The following RIC8A variants were observed in gnomAD, a reference collection of about 807,000 sequenced individuals.
RIC8A encodes chaperone Ric-8A.
In RIC8A, 37 loss-of-function variants were observed where a neutral mutation model predicts 48.4. That is an observed-to-expected ratio of 0.77 (90% confidence interval 0.59 to 1.01). The LOEUF (loss-of-function observed/expected upper bound fraction) is 1.01, where lower values mean the gene tolerates loss of function less well. Ranked by LOEUF, RIC8A falls within the 50% of genes least tolerant of loss-of-function variation. The probability of loss-of-function intolerance (pLI) is 0.00; values close to 1 mark genes in which losing one functional copy is unlikely to be tolerated. For missense variants in RIC8A, 681 were observed against 696.8 expected (o/e 0.98, Z 0.25); for synonymous variants, 288 against 283.4 (o/e 1.02, Z -0.16).
At chr11:209,081 A>T in intron 1 of RIC8A, 143 bp downstream of exon 1, 1 of 1,034,192 alleles carries the variant, frequency 9.7e-7, no homozygotes, top group Non-Finnish European at 1.5e-6. Context: ...CAGGTCTGGG[A>T]TGCAGTGTTG....
At position 213,247 on chromosome 11, in the gene RIC8A, T is replaced by A; in HGVS notation, c.1356-52T>A. ...CTGGGAAAATAGGTGGCTTGCCTCC[T>A]GTCCTGGAGAGTCACTAATGCATTC... is the stretch of plus-strand genomic sequence containing the variant. On this transcript the variant is annotated intron_variant, in intron 8 of 9. Transcript: ENST00000526104. The A allele has an allele frequency of 3.1e-6, 5 of 1,605,076 alleles. 1 individual carries two copies. In the South Asian group the frequency reaches 5.5e-5, roughly 18 times the overall value.
Position 210,654 on chromosome 11 carries a change from G to A in RIC8A, c.810G>A (p.Glu270=), listed in dbSNP as rs771545117. Residue 270 remains glutamate, a synonymous_variant, in exon 4 of 10, where the codon GAG becomes GAA. Transcript: ENST00000526104. ...MIATAGDRTE[E]FHGHAVNLLG... ...CTACTGCTGGAGACCGCACAGAGGA[G>A]TTCCACGGGTGAGAATGGGGCTTTT... 4.2e-5 allele frequency: 67 copies of A among 1,613,998 alleles called. No individual in the cohort carries two copies. Among genetic ancestry groups the A allele is most frequent in the Non-Finnish European group, 5.7e-5 (67 of 1,180,000 alleles).
chr11:208,952 T>C lies in RIC8A; in HGVS notation c.84+14T>C. ...TACAACCAGGAGGTAAGCGGCCGCC[T>C]GAGGCCGGGGGGCGGGCACGGAGGG... On this transcript the variant is annotated intron_variant, in intron 1 of 9. Transcript: ENST00000526104. This position sits in a 1 kb window ranked among gnomAD's most constrained non-coding sequence, Gnocchi z 4.8. The C allele has an allele frequency of 6.7e-7, 1 of 1,488,798 alleles. No individual in the cohort carries two copies. The highest frequency in any genetic ancestry group is 9.1e-7 in the Non-Finnish European group (1 of 1,094,688). 92.2% of individuals were successfully genotyped at this position (1,488,798 alleles called of 1,614,324 possible).
intron 1 of RIC8A, 114 bp downstream of exon 1, chr11:209,052 C>A: frequency 1.8e-6 from 2 of 1,087,800 alleles, no homozygotes; most frequent in South Asian, 1.3e-5. Context: ...GCGTAGGGGA[C>A]GCGGCGGGGT....
chr11:214,209 C>T, intron 9 of RIC8A, 21 bp from the exon 10 acceptor site: 2 of 1,612,008 alleles, frequency 1.2e-6, no homozygotes, highest in Non-Finnish European at 1.7e-6. Flanking sequence ...TCCCCAGCCC[C>T]ACTGCACCTT....
In RIC8A at chr11:211,451, A is replaced by G; in HGVS notation, c.969+102A>G. The G allele has an allele frequency of 1.6e-6, 2 of 1,285,370 alleles. No homozygotes were observed. Among genetic ancestry groups the G allele is most frequent in the South Asian group, 3.0e-5 (2 of 66,108 alleles). The allele number at this position is 1,285,370 out of a possible 1,614,324, so 79.6% of individuals were successfully genotyped here. The stretch of plus-strand genomic sequence containing the variant: ...CCACACTGTCCACACTGGTACGTGG[A>G]GATTGTCTTGGTGGTGTGATATGGG... On this transcript the variant is annotated intron_variant, in intron 5 of 9. Coordinates refer to ENST00000526104, the MANE Select transcript of RIC8A (RefSeq NM_001286134.2). This position sits in a 1 kb window ranked among gnomAD's most constrained non-coding sequence, Gnocchi z 4.0.
intron 9 of RIC8A, 122 bp from the exon 10 acceptor site, chr11:214,108 G>A (rs965074213): frequency 1.7e-6 from 2 of 1,179,388 alleles, no homozygotes; most frequent in Non-Finnish European, 2.4e-6. Flanking sequence ...GTCCAACCAG[G>A]CTTCCCCAGT....
At position 209,666 on chromosome 11, in the gene RIC8A, C is replaced by T. The variant is rs371717181; in HGVS notation, c.392C>T (p.Ala131Val). 9 of 1,613,856 alleles carry T rather than the reference C, an allele frequency of 5.6e-6. No homozygotes were observed. In the African/African-American group the frequency reaches 1.1e-4, roughly 19 times the overall value. ...AACCTCGTGCTCAGCAGCCCTGTGG[C>T]ACAGATGCTGGCAGCAGAGGCCCGC... ...LCNLVLSSPV[A>V]QMLAAEARLV... The change falls in exon 3 of 10, where the codon GCA (alanine) becomes GTA (valine). Residue 131 changes from alanine (A) to valine (V), a missense_variant. Physicochemically the swap from Ala to Val is moderately conservative, Grantham distance 64. Coordinates refer to ENST00000526104, the MANE Select transcript of RIC8A (RefSeq NM_001286134.2).
Position 208,300 on chromosome 11 carries a change from T to G in RIC8A, c.-555T>G, listed in dbSNP as rs934693190. 2 of 152,586 alleles carry G rather than the reference T, an allele frequency of 1.3e-5. No homozygotes were observed. The highest frequency in any genetic ancestry group is 4.8e-5 in the African/African-American group (2 of 41,446). The allele number at this position is 152,586 out of a possible 1,614,324, so 9.5% of individuals were successfully genotyped here. A position where few individuals can be genotyped will look rare whatever the true frequency, so the allele number is the denominator to read the frequency against. On this transcript the variant is annotated 5_prime_UTR_variant, in exon 1 of 10. Transcript: ENST00000526104. This position sits in a 1 kb window ranked among gnomAD's most constrained non-coding sequence, Gnocchi z 4.8. ...CCCAGCAGTCGCCTTTTGCTTCTTT[T>G]GAAGCACAGCCCTGTGACCGCCTCG...
chr11:212,344 G>A, intron 5 of RIC8A, 72 bp from the exon 6 acceptor site: 2 of 1,437,796 alleles, frequency 1.4e-6, no homozygotes, highest in Non-Finnish European at 1.9e-6. Flanking sequence ...AAGGGGTGGT[G>A]GGGAGGTGTA....
Position 212,473 on chromosome 11 carries a change from C to G in RIC8A, c.1027C>G (p.Arg343Gly). ...PVLSVLTECA[R>G]MHRPARKFLK... ...GCTGAGCGTGCTGACTGAATGTGCC[C>G]GGATGCACCGCCCAGCCAGGAAGTT... is the stretch of plus-strand genomic sequence containing the variant. The change falls in exon 6 of 10, where the codon CGG becomes GGG. Residue 343 changes from arginine to glycine, a missense_variant. Arg to Gly is a moderately radical substitution (Grantham distance 125, BLOSUM62 -2). Coordinates refer to ENST00000526104, the MANE Select transcript of RIC8A (RefSeq NM_001286134.2). 6.2e-7 allele frequency: 1 copy of G among 1,613,924 alleles called. No individual in the cohort carries two copies. The highest frequency in any genetic ancestry group is 8.5e-7 in the Non-Finnish European group (1 of 1,179,950).
intron 5 of RIC8A, 32 bp from the exon 6 acceptor site, chr11:212,384 G>C (rs780230247): frequency 1.2e-6 from 2 of 1,602,528 alleles, no homozygotes; most frequent in South Asian, 1.1e-5. Context: ...TTAGGCAGGG[G>C]CATAGCCCCA....
At chr11:213,640 A>T in intron 9 of RIC8A, 1 of 514,844 alleles carries the variant, frequency 1.9e-6, no homozygotes, top group Admixed American at 3.4e-5. Flanking sequence ...ACTGAGGCCC[A>T]GAGAAATTAA....
chr11:211,287 A>G lies in RIC8A; in HGVS notation c.907A>G (p.Met303Val). 6.2e-7 allele frequency: 1 copy of G among 1,614,122 alleles called. No individual in the cohort carries two copies. Among genetic ancestry groups the G allele is most frequent in the South Asian group, 1.1e-5 (1 of 91,076 alleles). ...LEPHGDSTEF[M>V]GVNMDVIRAL... Reference sequence around the variant, plus strand: ...GCCACATGGAGACTCCACGGAGTTCATGGGAGTGAATATGGATGTGATTCG... The same window carrying G: ...GCCACATGGAGACTCCACGGAGTTCGTGGGAGTGAATATGGATGTGATTCG... The change falls in exon 5 of 10, where the codon ATG becomes GTG. Residue 303 changes from methionine (M) to valine (V), a missense_variant. Physicochemically the swap from Met to Val is conservative, Grantham distance 21. Transcript: ENST00000526104. This position sits in a 1 kb window ranked among gnomAD's most constrained non-coding sequence, Gnocchi z 4.0.
In RIC8A at chr11:212,635, T is replaced by C. The variant is rs1855391772; in HGVS notation, c.1086T>C (p.Asp362=). 1.9e-6 allele frequency: 3 copies of C among 1,613,954 alleles called. No homozygotes were observed. Among genetic ancestry groups the C allele is most frequent in the African/African-American group, 2.7e-5 (2 of 74,938 alleles). The stretch of plus-strand genomic sequence containing the variant: ...CCCAGGTGCTGCCCCCTCTGCGGGA[T>C]GTGAGGACACGGCCTGAGGTTGGGG... ...LKAQVLPPLR[D]VRTRPEVGEM... Residue 362 remains aspartate (D), a synonymous_variant, in exon 7 of 10, where the codon GAT becomes GAC. Coordinates refer to ENST00000526104, the MANE Select transcript of RIC8A (RefSeq NM_001286134.2).
chr11:212,431 G>T lies in RIC8A; in HGVS notation c.985G>T (p.Glu329Ter). 1 of 1,613,906 alleles carries T rather than the reference G, an allele frequency of 6.2e-7. No individual in the cohort carries two copies. Among genetic ancestry groups the T allele is most frequent in the Non-Finnish European group, 8.5e-7 (1 of 1,179,980 alleles). ...TCCTCTACAGACACACAGGCTGAAG[G>T]AGAGTGTAGCTCCCGTGCTGAGCGT... ...KRLHKTHRLK[E>*]SVAPVLSVLT... The change falls in exon 6 of 10, where the codon GAG (glutamate) becomes TAG (stop). Residue 329 changes from glutamate (E) to a stop codon, truncating the protein, a stop_gained. Coordinates refer to ENST00000526104, the MANE Select transcript of RIC8A (RefSeq NM_001286134.2). LOFTEE classifies it high-confidence loss of function.
At position 214,321 on chromosome 11, in the gene RIC8A, T is replaced by G; in HGVS notation, c.1567T>G (p.Ser523Ala). ...GTGCGAGACTATGGAGCAGCAGCTC[T>G]CCTCGGACCCTGACTCGGACCCTGA... Reference protein sequence around the residue: ...AMCETMEQQLSSDPDSDPD With the variant: ...AMCETMEQQLASDPDSDPD The change falls in exon 10 of 10, where the codon TCC becomes GCC. Residue 523 changes from serine to alanine, a missense_variant. Transcript: ENST00000526104. 1 of 1,610,648 alleles carries G rather than the reference T, an allele frequency of 6.2e-7. No homozygotes were observed. Among genetic ancestry groups the G allele is most frequent in the Non-Finnish European group, 8.5e-7 (1 of 1,178,532 alleles).
Position 208,922 on chromosome 11 carries a change from G to A in RIC8A, c.68G>A (p.Arg23Gln). 1 of 1,610,264 alleles carries A rather than the reference G, an allele frequency of 6.2e-7. No individual in the cohort carries two copies. Among genetic ancestry groups the A allele is most frequent in the South Asian group, 1.1e-5 (1 of 90,678 alleles). Reference protein sequence around the residue: ...GEEDVIMEALRSYNQEHSQSF... With the variant: ...GEEDVIMEALQSYNQEHSQSF... Reference sequence around the variant, plus strand: ...GAGGATGTGATTATGGAAGCTCTGCGGTCATACAACCAGGAGGTAAGCGGC... The same window carrying A: ...GAGGATGTGATTATGGAAGCTCTGCAGTCATACAACCAGGAGGTAAGCGGC... Residue 23 changes from arginine to glutamine, a missense_variant, in exon 1 of 10, where the codon CGG (arginine) becomes CAG (glutamine). Coordinates refer to ENST00000526104, the MANE Select transcript of RIC8A (RefSeq NM_001286134.2). This position sits in a 1 kb window ranked among gnomAD's most constrained non-coding sequence, Gnocchi z 4.8.
At chr11:210,683 G>A (rs1855335968) in intron 4 of RIC8A, 21 bp downstream of exon 4, 3 of 1,610,430 alleles carry the variant, frequency 1.9e-6, no homozygotes, top group Non-Finnish European at 1.7e-6. Context: ...GGCTTTTTCT[G>A]GGAGGGAAGT....
Sources: allele counts gnomAD v4.1 joint callset, GRCh38; gene constraint gnomAD v4.1.1; non-coding constraint Gnocchi (gnomAD v3.1); transcripts MANE v1.5; gene names NCBI Gene and HGNC (gene_info 2026-07-23, HGNC 2026-07-21).